CRACR2A: variants seen among roughly 807,000 people sequenced by gnomAD.
The protein encoded by CRACR2A is calcium release activated channel regulator 2A.
In CRACR2A, 79 loss-of-function variants were observed where a neutral mutation model predicts 90.5. The ratio of observed to expected loss-of-function variants is 0.87; its 90% CI spans 0.73 to 1.05. CRACR2A has a LOEUF of 1.05. Ranked by LOEUF, CRACR2A falls within the 50% of genes least tolerant of loss-of-function variation. The pLI is 0.00. For missense variants in CRACR2A, 823 were observed against 897.2 expected (o/e 0.92, Z 1.06); for synonymous variants, 338 against 356.7 (o/e 0.95, Z 0.59).
chr12:3,686,896 C>T (rs906059624), intron 4 of CRACR2A, among the ~76,000 whole-genome samples: 3 of 152,138 alleles, frequency 2.0e-5, no homozygotes, highest in East Asian at 1.9e-4. Context: ...TTCACATGCC[C>T]GAGCAGAGGG....
chr12:3,685,316 G>A (rs1398217658), intron 4 of CRACR2A, among the ~76,000 whole-genome samples: 1 of 152,160 alleles, frequency 6.6e-6, no homozygotes, highest in Non-Finnish European at 1.5e-5. Context: ...TGTATAAAAT[G>A]GTATGGTGTC....
chr12:3,745,788 A>ATAACATAACATAACATAAC (rs1356770696), intron 1 of CRACR2A, among the ~76,000 whole-genome samples: 39 of 7,404 alleles, frequency 5.3e-3, no homozygotes, highest in African/African-American at 0.012. Flanking sequence ...CAAAAAATAA[A>ATAACATAACATAACATAAC]ATAAAATAAA....
intron 7 of CRACR2A, among the ~76,000 whole-genome samples, chr12:3,667,842 C>T (rs980212179): frequency 6.6e-6 from 1 of 152,210 alleles, no homozygotes. Flanking sequence ...CACACGTGGG[C>T]GCATGCACGT....
chr12:3,637,032 C>T (rs1214555443), intron 14 of CRACR2A, among the ~76,000 whole-genome samples: 2 of 152,164 alleles, frequency 1.3e-5, no homozygotes, highest in East Asian at 1.9e-4. Context: ...GGGCCTATTC[C>T]GAGGCCTGGG....
chr12:3,705,216 T>C (rs918643991), intron 3 of CRACR2A, among the ~76,000 whole-genome samples: 1 of 151,938 alleles, frequency 6.6e-6, no homozygotes, highest in Non-Finnish European at 1.5e-5. Flanking sequence ...TCTGTGAGAG[T>C]TTCCAGGCCA....
intron 14 of CRACR2A, among the ~76,000 whole-genome samples, chr12:3,634,706 C>T (rs1944429119): frequency 6.6e-6 from 1 of 152,180 alleles, no homozygotes; most frequent in Non-Finnish European, 1.5e-5. Flanking sequence ...ATTAGCTCCT[C>T]TCATTGAGCA....
intron 4 of CRACR2A, among the ~76,000 whole-genome samples, chr12:3,682,581 C>A (rs752545975): frequency 3.9e-5 from 6 of 152,152 alleles, no homozygotes; most frequent in Non-Finnish European, 7.4e-5. Flanking sequence ...CTTCTTCAGC[C>A]TTCTCTGCAA....
At chr12:3,692,585 C>T (rs1295285704) in intron 4 of CRACR2A, among the ~76,000 whole-genome samples, 2 of 152,116 alleles carry the variant, frequency 1.3e-5, no homozygotes, top group African/African-American at 2.4e-5. Flanking sequence ...TGTCAGCCAG[C>T]CAAAGCATTT....
intron 1 of CRACR2A, among the ~76,000 whole-genome samples, chr12:3,752,326 GCACACACACGGACACACACA>G (rs55982155): frequency 0.39 from 58,146 of 149,062 alleles, 11,618 homozygotes; most frequent in East Asian, 0.66. Context: ...ACACACACTC[GCACACACACGGACACACACA>G]CACACACACG....
intron 10 of CRACR2A, 60 bp from the exon 11 acceptor site, chr12:3,648,673 C>G (rs150013368): frequency 6.4e-7 from 1 of 1,567,474 alleles, no homozygotes; most frequent in African/African-American, 1.3e-5. Context: ...TGCCCGGACC[C>G]CTCATGCTGG....
intron 1 of CRACR2A, among the ~76,000 whole-genome samples, chr12:3,733,938 T>C (rs1037709865): frequency 4.6e-5 from 7 of 150,680 alleles, no homozygotes; most frequent in Non-Finnish European, 7.4e-5. Context: ...TTCTTGGTAT[T>C]CAGTCCTTTT....
At chr12:3,705,530 C>T (rs376301789) in intron 3 of CRACR2A, among the ~76,000 whole-genome samples, 5 of 152,222 alleles carry the variant, frequency 3.3e-5, no homozygotes, top group African/African-American at 1.2e-4. Flanking sequence ...AGTTAGGAAA[C>T]TGAAAGGCCA....
intron 7 of CRACR2A, among the ~76,000 whole-genome samples, chr12:3,666,064 G>C (rs1453463264): frequency 6.6e-6 from 1 of 152,062 alleles, no homozygotes; most frequent in Non-Finnish European, 1.5e-5. Flanking sequence ...GGGAAGTAAA[G>C]GAAGCTACCT....
Position 3,742,126 on chromosome 12 carries a change from A to G in CRACR2A, c.-386-8916T>C, listed in dbSNP as rs1048761961. Reference sequence around the variant, plus strand: ...GTTACCCAGGCCTAGGACATGGGCAAATCATGAACAGCTGCCTTTGGCTCT... The same window carrying G: ...GTTACCCAGGCCTAGGACATGGGCAGATCATGAACAGCTGCCTTTGGCTCT... On this transcript the variant is annotated intron_variant, in intron 1 of 19. Transcript: ENST00000440314. 9.9e-5 allele frequency among the ~76,000 whole-genome samples: 15 copies of G among 152,210 alleles called. No homozygotes were observed. The East Asian group carries it at 2.5e-3, about 25-fold the overall frequency.
intron 2 of CRACR2A, chr12:3,728,515 T>C (rs1344450332): frequency 6.6e-6 from 1 of 152,272 alleles, no homozygotes; most frequent in African/African-American, 2.4e-5. Context: ...GCAAGTCCCG[T>C]TGCTGAGGTG....
intron 4 of CRACR2A, among the ~76,000 whole-genome samples, chr12:3,681,321 G>T (rs979922669): frequency 2.6e-5 from 4 of 152,220 alleles, no homozygotes; most frequent in Admixed American, 2.0e-4. Context: ...AAGAGTATTT[G>T]TGTGTTAAAG....
In CRACR2A at chr12:3,751,548, C is replaced by T. The variant is rs562975949; in HGVS notation, c.-387+1467G>A. On this transcript the variant is annotated intron_variant, in intron 1 of 19. Transcript: ENST00000440314. ...ATCTCTCCCAGGCAGCACTCCTCAC[C>T]GGATTGTCCACTACATTACTCCTTG... Among the ~76,000 whole-genome samples, 6 of 152,338 alleles carry T rather than the reference C, an allele frequency of 3.9e-5. No homozygotes were observed. In the South Asian group the frequency reaches 1.0e-3, roughly 26 times the overall value.
chr12:3,642,963 T>G (rs141284826), intron 12 of CRACR2A, among the ~76,000 whole-genome samples: 37 of 152,358 alleles, frequency 2.4e-4, no homozygotes, highest in African/African-American at 7.9e-4. Flanking sequence ...TCTTCAATTC[T>G]TATTGAATTT....
At position 3,673,447 on chromosome 12, in the gene CRACR2A, T is replaced by C; in HGVS notation, c.670A>G (p.Arg224Gly). The C allele has an allele frequency of 6.2e-7, 1 of 1,610,176 alleles. No homozygotes were observed. The highest frequency in any genetic ancestry group is 8.5e-7 in the Non-Finnish European group (1 of 1,178,988). The change falls in exon 7 of 20, where the codon AGG (arginine) becomes GGG (glycine). Residue 224 changes from arginine to glycine, a missense_variant and splice_region_variant. Transcript: ENST00000440314. ...AGCGGCTGACACTGGGGTACCCACC[T>C]TTTTAGGGCACACTCCAGTTCATTC... ...EKNELECALK[R>G]KIAAYDEEIQ...
Sources: gnomAD v4.1 joint callset for allele counts (sites outside exome capture counted in the v4.1 genomes callset) on GRCh38, gnomAD v4.1.1 for gene constraint, MANE v1.5 for transcripts, NCBI Gene and HGNC (gene_info 2026-07-23, HGNC 2026-07-21) for gene names.